The following RBMS1 variants were observed in gnomAD, a reference collection of about 807,000 sequenced individuals.
RBMS1 encodes RNA binding motif single stranded interacting protein 1.
In RBMS1, 17 loss-of-function variants were observed where a neutral mutation model predicts 62.3. The observed-to-expected ratio is 0.27, with a 90% CI of 0.19 to 0.41. The LOEUF (loss-of-function observed/expected upper bound fraction) is 0.41, where lower values mean the gene tolerates loss of function less well. Among genes scored for constraint, RBMS1 ranks in the 10% least tolerant of loss-of-function variants. RBMS1 has a pLI of 1.00. For missense variants in RBMS1, 334 were observed against 504.5 expected (o/e 0.66, Z 3.24); for synonymous variants, 172 against 170.0 (o/e 1.01, Z -0.09).
chr2:160,313,637 T>C (rs561066154), intron 3 of RBMS1, among the ~76,000 whole-genome samples: 1 of 152,286 alleles, frequency 6.6e-6, no homozygotes, highest in South Asian at 2.1e-4. Flanking sequence ...GTAAGAAAGA[T>C]GGAGACATCC....
At chr2:160,434,846 C>T (rs1473403201) in intron 1 of RBMS1, among the ~76,000 whole-genome samples, 3 of 152,032 alleles carry the variant, frequency 2.0e-5, no homozygotes, top group South Asian at 2.1e-4. Flanking sequence ...CTTTAAAAAT[C>T]ATTACTAAAT....
chr2:160,290,903 CTG>C (rs949722399), intron 6 of RBMS1, among the ~76,000 whole-genome samples: 1 of 152,214 alleles, frequency 6.6e-6, no homozygotes, highest in Non-Finnish European at 1.5e-5. Context: ...CTTCCTGAGA[CTG>C]TGAGCTCCAT....
intron 6 of RBMS1, among the ~76,000 whole-genome samples, chr2:160,297,282 G>C (rs931118157): frequency 6.6e-6 from 1 of 152,122 alleles, no homozygotes; most frequent in Non-Finnish European, 1.5e-5. Flanking sequence ...CTCAAAGCAA[G>C]GTGATGTGGT....
At chr2:160,310,856 C>T (rs1689814134) in intron 4 of RBMS1, among the ~76,000 whole-genome samples, 1 of 152,064 alleles carries the variant, frequency 6.6e-6, no homozygotes, top group African/African-American at 2.4e-5. Flanking sequence ...TCAATAATGT[C>T]ACAGAGAATC....
At chr2:160,455,683 CTTTT>C (rs67701380) in intron 1 of RBMS1, among the ~76,000 whole-genome samples, 1 of 127,180 alleles carries the variant, frequency 7.9e-6, no homozygotes. Flanking sequence ...CATTCCCAAG[CTTTT>C]TTTTTTTTTT....
chr2:160,486,847 C>G (rs554233699), intron 1 of RBMS1, among the ~76,000 whole-genome samples: 1 of 152,288 alleles, frequency 6.6e-6, no homozygotes, highest in African/African-American at 2.4e-5. Flanking sequence ...AACTTATTTC[C>G]TCCCCTTTGC....
At position 160,272,592 on chromosome 2, in the gene RBMS1, C is replaced by G. The variant is rs562805918; in HGVS notation, c.*2180G>C. On this transcript the variant is annotated 3_prime_UTR_variant, in exon 14 of 14. Transcript: ENST00000348849. ...TTCCCCTCCCCTCTAACCGAGCTAT[C>G]AAATTTCTGTCTTAACTAATGCAAA... The G allele has an allele frequency of 6.6e-6, 1 of 152,102 alleles. No individual in the cohort carries two copies. The highest frequency in any genetic ancestry group is 2.4e-5 in the African/African-American group (1 of 41,476). 9.4% of individuals were successfully genotyped at this position (152,102 alleles called of 1,614,324 possible).
intron 6 of RBMS1, among the ~76,000 whole-genome samples, chr2:160,292,239 C>T (rs893341281): frequency 3.3e-5 from 5 of 152,116 alleles, no homozygotes; most frequent in South Asian, 2.1e-4. Context: ...CTAGTGACTC[C>T]GGGAAAGTTA....
chr2:160,450,833 G>A (rs980718019), intron 1 of RBMS1, among the ~76,000 whole-genome samples: 1 of 152,054 alleles, frequency 6.6e-6, no homozygotes, highest in Non-Finnish European at 1.5e-5. Context: ...TACTGTGACT[G>A]ATTTTTATTA....
chr2:160,355,353 C>CACT (rs1164051396), intron 2 of RBMS1, among the ~76,000 whole-genome samples: 1 of 152,126 alleles, frequency 6.6e-6, no homozygotes, highest in African/African-American at 2.4e-5. Flanking sequence ...ACCAAAAGTA[C>CACT]ACTAACTCAT....
intron 13 of RBMS1, among the ~76,000 whole-genome samples, 156 bp from the exon 14 acceptor site, chr2:160,274,920 T>C (rs1687751816): frequency 6.6e-6 from 1 of 152,218 alleles, no homozygotes; most frequent in African/African-American, 2.4e-5. Context: ...CTGGAACTGA[T>C]GGTTACTTTC....
intron 1 of RBMS1, among the ~76,000 whole-genome samples, chr2:160,471,716 T>TATATATATATATATATATATAATATATAA (rs371634389): frequency 1.3e-5 from 1 of 76,234 alleles, no homozygotes; most frequent in Non-Finnish European, 2.7e-5. Context: ...TATATATATA[T>TATATATATATATATATATATAATATATAA]AACCTTTCAT....
At chr2:160,314,567 A>G (rs1273729093) in intron 3 of RBMS1, among the ~76,000 whole-genome samples, 1 of 152,210 alleles carries the variant, frequency 6.6e-6, no homozygotes, top group Non-Finnish European at 1.5e-5. Flanking sequence ...GTTTTGCAGT[A>G]TTAGTACCAA....
chr2:160,333,044 C>A (rs968857785), intron 2 of RBMS1, among the ~76,000 whole-genome samples: 1 of 151,898 alleles, frequency 6.6e-6, no homozygotes, highest in Non-Finnish European at 1.5e-5. Flanking sequence ...CCAGCTCTGG[C>A]ATTAAAATGG....
intron 1 of RBMS1, among the ~76,000 whole-genome samples, chr2:160,480,661 A>G (rs966818120): frequency 6.6e-5 from 10 of 152,220 alleles, no homozygotes; most frequent in African/African-American, 2.4e-4. Context: ...GTATGATTCC[A>G]GTAAAAATCC....
chr2:160,490,253 T>C (rs1685765048), intron 1 of RBMS1, among the ~76,000 whole-genome samples: 1 of 151,612 alleles, frequency 6.6e-6, no homozygotes, highest in South Asian at 2.1e-4. Flanking sequence ...TCAGAATGAA[T>C]GTGTCAGCTG....
At chr2:160,452,800 A>G (rs1684048837) in intron 1 of RBMS1, among the ~76,000 whole-genome samples, 1 of 152,248 alleles carries the variant, frequency 6.6e-6, no homozygotes, top group Admixed American at 6.5e-5. Flanking sequence ...AGTCCAGCAG[A>G]GAAAACTGGC....
chr2:160,422,102 C>T (rs1574037947), intron 1 of RBMS1, among the ~76,000 whole-genome samples: 1 of 152,166 alleles, frequency 6.6e-6, no homozygotes, highest in Admixed American at 6.5e-5. Context: ...AAAAAGACAA[C>T]AATATCATCC....
chr2:160,325,708 TA>T (rs1690885244), intron 2 of RBMS1, among the ~76,000 whole-genome samples: 1 of 152,152 alleles, frequency 6.6e-6, no homozygotes, highest in African/African-American at 2.4e-5. Context: ...GAATGAGGCC[TA>T]AAAATAGTAG....
Sources: gnomAD v4.1 joint callset for allele counts (sites outside exome capture counted in the v4.1 genomes callset) on GRCh38, gnomAD v4.1.1 for gene constraint, MANE v1.5 for transcripts, NCBI Gene and HGNC (gene_info 2026-07-23, HGNC 2026-07-21) for gene names.